COG7: variants seen among roughly 807,000 people sequenced by gnomAD.
COG7 encodes conserved oligomeric Golgi complex subunit 7.
Under a neutral mutation model 91.5 loss-of-function variants are expected in COG7, and 49 were observed. The observed-to-expected ratio is 0.54, with a 90% CI of 0.43 to 0.68. The LOEUF (loss-of-function observed/expected upper bound fraction) is 0.68. Among genes scored for constraint, COG7 ranks in the 30% least tolerant of loss-of-function variants. The pLI is 0.00. For synonymous variants in COG7, 365 were observed against 388.7 expected, an observed-to-expected ratio of 0.94 and a Z score of 0.72; for missense variants, 895 against 961.3, an observed-to-expected ratio of 0.93 and a Z score of 0.91.
Position 23,413,439 on chromosome 16 carries a change from C to T in COG7, c.1409+9G>A, listed in dbSNP as rs1392505914. On this transcript the variant is annotated intron_variant, in intron 10 of 16. Transcript: ENST00000307149. ...TAGGAACAAGCTTGAATTACAACCC[C>T]CGGTTTACCTAATGGAGTTCTGAAA... The T allele has an allele frequency of 7.4e-7, 1 of 1,345,068 alleles. No homozygotes were observed. The allele number at this position is 1,345,068 out of a possible 1,614,324, so 83.3% of individuals were successfully genotyped here.
intron 6 of COG7, among the ~76,000 whole-genome samples, 189 bp from the exon 7 acceptor site, chr16:23,425,136 CCT>C (rs1963825103): frequency 6.6e-6 from 1 of 152,136 alleles, no homozygotes. Flanking sequence ...ACGGCAAGAC[CCT>C]GTCTCTACTA....
chr16:23,393,566 T>A, intron 14 of COG7: 1 of 565,794 alleles, frequency 1.8e-6, no homozygotes. Context: ...ATCCTTCTTA[T>A]AATGACCTCA....
intron 3 of COG7, 99 bp downstream of exon 3, chr16:23,444,949 G>T: frequency 2.2e-6 from 2 of 890,580 alleles, no homozygotes; most frequent in Non-Finnish European, 1.9e-6. Context: ...GTTTCTGAAT[G>T]CTGCTATTGG....
Position 23,388,895 on chromosome 16 carries a change from C to T in COG7, c.*25G>A, listed in dbSNP as rs1420271032. The T allele has an allele frequency of 1.9e-6, 3 of 1,613,822 alleles. No homozygotes were observed. The African/African-American group carries it at 4.0e-5, about 22-fold the overall frequency. ...GTCGCGAAACAGCAGCCCTGGCTCT[C>T]TTGGTGGTCCGGTGTGTGGTGGGGT... On this transcript the variant is annotated 3_prime_UTR_variant, in exon 17 of 17. Coordinates refer to ENST00000307149, the MANE Select transcript of COG7 (RefSeq NM_153603.4).
chr16:23,413,465 A>G lies in COG7; in HGVS notation c.1392T>C (p.Ala464=). ...CGGTTTACCTAATGGAGTTCTGAAA[A>G]GCCGTCCAATCTTCCTGGAAGAGGG... ...PNSLFQEDWT[A]FQNSIRIIAT... is the part of the protein sequence containing the mutation. The change falls in exon 10 of 17, where the codon GCT becomes GCC. Residue 464 remains alanine, a synonymous_variant. Coordinates refer to ENST00000307149, the MANE Select transcript of COG7 (RefSeq NM_153603.4). The G allele has an allele frequency of 6.3e-7, 1 of 1,598,362 alleles. No individual in the cohort carries two copies. Among genetic ancestry groups the G allele is most frequent in the African/African-American group, 1.3e-5 (1 of 74,736 alleles).
chr16:23,452,814 C>G lies in COG7; in HGVS notation c.169+12G>C, dbSNP rs1179604279. 2 of 1,608,114 alleles carry G rather than the reference C, an allele frequency of 1.2e-6. No homozygotes were observed. The highest frequency in any genetic ancestry group is 1.3e-5 in the African/African-American group (1 of 74,808). ...GGGGAGGGTCCCGCGGCCAGGGCCC[C>G]GAGCGGCTCACCCTCCACGGCGTGG... On this transcript the variant is annotated intron_variant, in intron 1 of 16. Transcript: ENST00000307149.
intron 6 of COG7, among the ~76,000 whole-genome samples, chr16:23,430,464 T>C (rs955714970): frequency 6.6e-6 from 1 of 151,314 alleles, no homozygotes; most frequent in Non-Finnish European, 1.5e-5. Flanking sequence ...TTCACAATTT[T>C]ACCTAAAAAA....
intron 1 of COG7, among the ~76,000 whole-genome samples, chr16:23,449,473 A>G (rs1596961461): frequency 6.7e-6 from 1 of 149,974 alleles, no homozygotes; most frequent in African/African-American, 2.4e-5. Context: ...TCCAGGCGCA[A>G]TAGCTCATGC....
At chr16:23,436,323 T>C (rs1206283086) in intron 4 of COG7, among the ~76,000 whole-genome samples, 1 of 152,196 alleles carries the variant, frequency 6.6e-6, no homozygotes, top group Non-Finnish European at 1.5e-5. Context: ...CTGAATTCAT[T>C]GGTTATATAA....
In COG7 at chr16:23,453,064, G is replaced by A. The variant is rs1567351789; in HGVS notation, c.-70C>T. 6.2e-7 allele frequency: 1 copy of A among 1,604,288 alleles called. No homozygotes were observed. Among genetic ancestry groups the A allele is most frequent in the South Asian group, 1.1e-5 (1 of 90,104 alleles). ...TCCGGGCGGCAACGGGGATGCAGAA[G>A]CGAGCGAGCCTGCGAGAGCACCGAG... On this transcript the variant is annotated 5_prime_UTR_variant, in exon 1 of 17. Transcript: ENST00000307149.
intron 1 of COG7, among the ~76,000 whole-genome samples, chr16:23,450,911 T>A (rs648922): frequency 2.7e-5 from 4 of 149,254 alleles, no homozygotes; most frequent in African/African-American, 9.9e-5. Context: ...TGGGCACATC[T>A]GGCCGGGCAC....
chr16:23,430,159 C>G (rs1963911243), intron 6 of COG7, among the ~76,000 whole-genome samples: 1 of 152,156 alleles, frequency 6.6e-6, no homozygotes, highest in African/African-American at 2.4e-5. Flanking sequence ...GTGGTTCACT[C>G]CTGTAATCCC....
At chr16:23,403,978 C>A in intron 12 of COG7, 144 bp from the exon 13 acceptor site, 1 of 890,172 alleles carries the variant, frequency 1.1e-6, no homozygotes, top group Non-Finnish European at 1.8e-6. Context: ...CCAGGCCCCT[C>A]TGGAGAACAT....
In COG7 at chr16:23,403,804, C is replaced by T. The variant is rs146784634; in HGVS notation, c.1693G>A (p.Ala565Thr). ...CGAGTCAGCGCTGCTCGAGGTGCAG[C>T]CAGCAGGTTGTGGTTGCTTGACCCT... Reference protein sequence around the residue: ...EKGSSNHNLLAAPRAALTRLN... With the variant: ...EKGSSNHNLLTAPRAALTRLN... The change falls in exon 13 of 17, where the codon GCT becomes ACT. Residue 565 changes from alanine (A) to threonine (T), a missense_variant. Coordinates refer to ENST00000307149, the MANE Select transcript of COG7 (RefSeq NM_153603.4). The T allele has an allele frequency of 6.2e-7, 1 of 1,614,190 alleles. No individual in the cohort carries two copies. Among genetic ancestry groups the T allele is most frequent in the Non-Finnish European group, 8.5e-7 (1 of 1,180,034 alleles).
At chr16:23,391,837 ACT>A in intron 16 of COG7, 1 of 255,788 alleles carries the variant, frequency 3.9e-6, no homozygotes, top group Non-Finnish European at 7.0e-6. Context: ...GGACACGCCC[ACT>A]GACTTGGCAG....
At chr16:23,451,220 G>T (rs879907865) in intron 1 of COG7, among the ~76,000 whole-genome samples, 5 of 152,042 alleles carry the variant, frequency 3.3e-5, no homozygotes, top group Non-Finnish European at 7.4e-5. Flanking sequence ...AAACAAAAAT[G>T]GGAACATCTC....
chr16:23,436,106 G>A (rs1028461947), intron 4 of COG7, among the ~76,000 whole-genome samples: 1 of 152,074 alleles, frequency 6.6e-6, no homozygotes, highest in African/African-American at 2.4e-5. Flanking sequence ...ATGTGCACCT[G>A]TAAACCCCAG....
At chr16:23,447,500 C>T (rs909164087) in intron 1 of COG7, among the ~76,000 whole-genome samples, 12 of 152,002 alleles carry the variant, frequency 7.9e-5, no homozygotes, top group South Asian at 4.2e-4. Flanking sequence ...CATAAGCCAC[C>T]GCACCTGGCC....
intron 8 of COG7, 33 bp downstream of exon 8, chr16:23,418,667 T>C (rs1383123642): frequency 1.9e-6 from 3 of 1,610,734 alleles, no homozygotes; most frequent in African/African-American, 1.3e-5. Flanking sequence ...AACAGAATGC[T>C]TCCTCAGTGG....
Sources: allele counts gnomAD v4.1 joint callset (sites outside exome capture counted in the v4.1 genomes callset), GRCh38; gene constraint gnomAD v4.1.1; transcripts MANE v1.5; gene names NCBI Gene and HGNC (gene_info 2026-07-23, HGNC 2026-07-21).